The following CCKBR variants were observed in gnomAD, a reference collection of about 807,000 sequenced individuals.
CCKBR encodes the protein cholecystokinin B receptor.
In CCKBR, 33 loss-of-function variants were observed where a neutral mutation model predicts 34.6. That is an observed-to-expected ratio of 0.95 (90% CI 0.72 to 1.27). The LOEUF (loss-of-function observed/expected upper bound fraction) is 1.27. CCKBR is among the 50% of genes most tolerant of loss of function. The pLI is 0.00. For synonymous variants in CCKBR, 269 were observed against 267.5 expected (o/e 1.01, Z -0.06); for missense variants, 652 against 617.4 (o/e 1.06, Z -0.59).
chr11:6,260,659 T>C (rs1411761735), intron 1 of CCKBR, among the ~76,000 whole-genome samples: 2 of 152,176 alleles, frequency 1.3e-5, no homozygotes, highest in Non-Finnish European at 1.5e-5. Context: ...CCTGCCTCCA[T>C]TTCACTCCTT....
chr11:6,260,792 G>C (rs911404356), intron 1 of CCKBR, among the ~76,000 whole-genome samples: 6 of 152,190 alleles, frequency 3.9e-5, no homozygotes, highest in Admixed American at 3.9e-4. Context: ...GGTGCTGGGG[G>C]CACAGGGCAA....
chr11:6,269,477 T>C (rs1195860025), intron 1 of CCKBR, among the ~76,000 whole-genome samples, 192 bp from the exon 2 acceptor site: 2 of 151,884 alleles, frequency 1.3e-5, no homozygotes, highest in Admixed American at 6.6e-5. Flanking sequence ...AAGGGCAGAG[T>C]TGGGCCAATT....
intron 1 of CCKBR, among the ~76,000 whole-genome samples, chr11:6,266,171 G>C (rs1455799821): frequency 6.6e-6 from 1 of 151,906 alleles, no homozygotes; most frequent in Non-Finnish European, 1.5e-5. Context: ...GGAGAAAGAG[G>C]CATTTAGATT....
chr11:6,264,430 C>A, intron 1 of CCKBR: 1 of 617,142 alleles, frequency 1.6e-6, no homozygotes, highest in Non-Finnish European at 2.9e-6. Flanking sequence ...TTTTATGTCA[C>A]GTTGTCTGGA....
chr11:6,271,494 C>T lies in CCKBR; in HGVS notation c.1295C>T (p.Ser432Leu), dbSNP rs148059332. The change falls in exon 5 of 5, where the codon TCG becomes TTG. Residue 432 changes from serine (S) to leucine (L), a missense_variant. Transcript: ENST00000334619. ...GACCCTCCCACTCCCTCCATTGCTT[C>T]GCTGTCCAGGCTTAGCTACACCACC... Reference protein sequence around the residue: ...DEDPPTPSIASLSRLSYTTIS... With the variant: ...DEDPPTPSIALLSRLSYTTIS... The T allele has an allele frequency of 5.6e-6, 9 of 1,611,046 alleles. No individual in the cohort carries two copies. In the African/African-American group the frequency reaches 8.0e-5, roughly 14 times the overall value.
Position 6,271,082 on chromosome 11 carries a change from G to C in CCKBR, c.883G>C (p.Val295Leu), listed in dbSNP as rs1385850242. The C allele has an allele frequency of 6.2e-7, 1 of 1,614,142 alleles. No individual in the cohort carries two copies. The highest frequency in any genetic ancestry group is 1.3e-5 in the African/African-American group (1 of 75,052). Reference sequence around the variant, plus strand: ...TGGCGAAGACAGCGATGGCTGCTACGTGCAACTTCCACGTTCCCGGCCTGC... The same window carrying C: ...TGGCGAAGACAGCGATGGCTGCTACCTGCAACTTCCACGTTCCCGGCCTGC... ...AVGEDSDGCY[V>L]QLPRSRPALE... The change falls in exon 5 of 5, where the codon GTG becomes CTG. Residue 295 changes from valine (V) to leucine (L), a missense_variant. Coordinates refer to ENST00000334619, the MANE Select transcript of CCKBR (RefSeq NM_176875.4).
chr11:6,260,142 A>C (rs1848108397), intron 1 of CCKBR, 63 bp downstream of exon 1: 4 of 1,277,828 alleles, frequency 3.1e-6, no homozygotes, highest in South Asian at 1.4e-5. Flanking sequence ...ACACTAATAG[A>C]GTCCCCCCAA....
At position 6,271,061 on chromosome 11, in the gene CCKBR, G is replaced by A; in HGVS notation, c.862G>A (p.Glu288Lys). 6.2e-7 allele frequency: 1 copy of A among 1,614,162 alleles called. No homozygotes were observed. The highest frequency in any genetic ancestry group is 1.1e-5 in the South Asian group (1 of 91,082). The change falls in exon 5 of 5, where the codon GAA becomes AAA. Residue 288 changes from glutamate to lysine, a missense_variant. Coordinates refer to ENST00000334619, the MANE Select transcript of CCKBR (RefSeq NM_176875.4). The part of the protein sequence containing the change: ...RCRPETGAVG[E>K]DSDGCYVQLP... Reference sequence around the variant, plus strand: ...CCGGCCTGAGACTGGCGCGGTTGGCGAAGACAGCGATGGCTGCTACGTGCA... The same window carrying A: ...CCGGCCTGAGACTGGCGCGGTTGGCAAAGACAGCGATGGCTGCTACGTGCA...
At chr11:6,260,160 C>A in intron 1 of CCKBR, 81 bp downstream of exon 1, 1 of 1,025,738 alleles carries the variant, frequency 9.7e-7, no homozygotes, top group East Asian at 3.1e-5. Flanking sequence ...CAACGAGCTC[C>A]ACACTACCTT....
intron 4 of CCKBR, 96 bp downstream of exon 4, chr11:6,270,899 G>T: frequency 6.2e-7 from 1 of 1,611,058 alleles, no homozygotes. Flanking sequence ...GAAGGTGAGG[G>T]TGAGAAGGAA....
Sources: gnomAD v4.1 joint callset for allele counts (sites outside exome capture counted in the v4.1 genomes callset) on GRCh38, gnomAD v4.1.1 for gene constraint, MANE v1.5 for transcripts, NCBI Gene and HGNC (gene_info 2026-07-23, HGNC 2026-07-21) for gene names.